The following DOCK9 variants were observed in gnomAD, a reference collection of about 807,000 sequenced individuals.
DOCK9 encodes the protein dedicator of cytokinesis protein 9.
DOCK9 carries 89 observed loss-of-function variants against 263.3 expected under a neutral mutation model. The observed-to-expected ratio is 0.34, with a 90% CI of 0.28 to 0.40. The LOEUF is 0.40. DOCK9 is among the 10% of genes least tolerant of loss of function. The pLI is 1.00. For missense variants in DOCK9, 2,140 were observed against 2,603.4 expected (o/e 0.82, Z 3.87); for synonymous variants, 976 against 973.1 (o/e 1.00, Z -0.06).
At chr13:98,851,422 G>T (rs2141536153) in intron 35 of DOCK9, among the ~76,000 whole-genome samples, 1 of 152,274 alleles carries the variant, frequency 6.6e-6, no homozygotes, top group Non-Finnish European at 1.5e-5. Flanking sequence ...AGCCCCCGGG[G>T]AGCTCAGTGC....
intron 47 of DOCK9, among the ~76,000 whole-genome samples, chr13:98,808,453 C>T (rs960922947): frequency 6.6e-6 from 1 of 152,176 alleles, no homozygotes; most frequent in African/African-American, 2.4e-5. Context: ...AAAAGTCCAA[C>T]TGGGGTTAAT....
At chr13:99,074,770 C>T (rs1049496413) in intron 1 of DOCK9, among the ~76,000 whole-genome samples, 1 of 152,168 alleles carries the variant, frequency 6.6e-6, no homozygotes, top group African/African-American at 2.4e-5. Flanking sequence ...CAATTTGAAC[C>T]TTTGCTCCTG....
intron 1 of DOCK9, among the ~76,000 whole-genome samples, chr13:99,022,048 T>G (rs1886181059): frequency 1.3e-5 from 2 of 152,202 alleles, no homozygotes; most frequent in South Asian, 4.1e-4. Flanking sequence ...AAGTGTGAAC[T>G]CTTACCATGG....
At position 98,868,291 on chromosome 13, in the gene DOCK9, C is replaced by T. The variant is rs1471748525; in HGVS notation, c.3030G>A (p.Lys1010=). The change falls in exon 28 of 53, where the codon AAG becomes AAA. Residue 1010 remains lysine, a synonymous_variant. Coordinates refer to ENST00000682017, the MANE Select transcript of DOCK9 (RefSeq NM_001366683.2). ...VNMLMPHITQ[K]FRDNPEASKN... ...TAGATGCCTCTGGATTATCTCGAAA[C>T]TTCTGAGTGATGTGTGGCATCAGCA... 8 of 1,613,990 alleles carry T rather than the reference C, an allele frequency of 5.0e-6. No homozygotes were observed. The highest frequency in any genetic ancestry group is 2.2e-5 in the East Asian group (1 of 44,882).
intron 38 of DOCK9, 141 bp downstream of exon 38, chr13:98,845,783 G>A (rs2141348026): frequency 8.9e-7 from 1 of 1,123,664 alleles, no homozygotes; most frequent in Non-Finnish European, 1.3e-6. Flanking sequence ...GAAGGGAACT[G>A]TGCCATGAGC....
intron 39 of DOCK9, among the ~76,000 whole-genome samples, chr13:98,836,976 C>T (rs1322166473): frequency 6.6e-6 from 1 of 151,958 alleles, no homozygotes; most frequent in Non-Finnish European, 1.5e-5. Context: ...TCCATCTCCA[C>T]CTACTTGAAT....
intron 47 of DOCK9, chr13:98,808,998 A>AT: frequency 8.0e-7 from 1 of 1,255,326 alleles, no homozygotes; most frequent in African/African-American, 1.5e-5. Flanking sequence ...ATGGAATAAA[A>AT]TGTTAATTTT....
At chr13:98,876,391 T>G (rs561850106) in intron 27 of DOCK9, among the ~76,000 whole-genome samples, 1 of 152,254 alleles carries the variant, frequency 6.6e-6, no homozygotes, top group East Asian at 1.9e-4. Flanking sequence ...CTTGGGAGGC[T>G]AAAGCAGGAG....
chr13:98,856,249 C>A (rs2093703867), intron 33 of DOCK9: 1 of 441,744 alleles, frequency 2.3e-6, no homozygotes, highest in Non-Finnish European at 4.0e-6. Context: ...AACATCAATT[C>A]ACTTGTTAGA....
chr13:98,970,795 A>C (rs2059659288), intron 1 of DOCK9, among the ~76,000 whole-genome samples: 1 of 152,216 alleles, frequency 6.6e-6, no homozygotes, highest in African/African-American at 2.4e-5. Flanking sequence ...TGGTTCTAAA[A>C]GTATCCTCAC....
chr13:98,860,660 C>A, intron 32 of DOCK9, 138 bp from the exon 33 acceptor site: 1 of 487,632 alleles, frequency 2.1e-6, no homozygotes, highest in Non-Finnish European at 3.2e-6. Flanking sequence ...GAGGAGTAGC[C>A]TTGAGGCGTG....
rs71114578 is a variant in DOCK9 at position 99,071,306 on chromosome 13, C to CTTTTTT, written c.129+14911_129+14916dup. 8.1e-5 allele frequency among the ~76,000 whole-genome samples: 4 copies of CTTTTTT among 49,320 alleles called. 1 individual carries two copies. Among genetic ancestry groups the CTTTTTT allele is most frequent in the African/African-American group, 1.1e-4 (1 of 9,160 alleles). 32.4% of individuals were successfully genotyped at this position (49,320 alleles called of 152,430 possible). A position where few individuals can be genotyped will look rare whatever the true frequency, so the allele number is the denominator to read the frequency against. Reference sequence around the variant, plus strand: ...TACAGGTGCTTGCCACCATGCCTGGCTTTTTTTTTTTTTTTTTTTTTTTTT... The same window carrying CTTTTTT: ...TACAGGTGCTTGCCACCATGCCTGGCTTTTTTTTTTTTTTTTTTTTTTTTTTTTTTT... On this transcript the variant is annotated intron_variant, in intron 1 of 32. Transcript: ENST00000427887.
chr13:98,867,842 C>CT, intron 29 of DOCK9, 86 bp downstream of exon 29: 1 of 1,267,644 alleles, frequency 7.9e-7, no homozygotes, highest in South Asian at 1.4e-5. Flanking sequence ...TAAGGCAGAG[C>CT]TTTAAAAAAA....
chr13:98,859,207 C>T (rs2093784934), intron 33 of DOCK9: 1 of 152,218 alleles, frequency 6.6e-6, no homozygotes, highest in Non-Finnish European at 1.5e-5. Context: ...CAAAGCAGGG[C>T]AGAGACAGAG....
chr13:98,796,500 T>A (rs1594070965), intron 52 of DOCK9, among the ~76,000 whole-genome samples: 1 of 152,136 alleles, frequency 6.6e-6, no homozygotes, highest in Admixed American at 6.5e-5. Flanking sequence ...ATTCCCTGGG[T>A]ATGGGACACT....
At chr13:98,987,294 T>G (rs1878698788) in intron 1 of DOCK9, among the ~76,000 whole-genome samples, 1 of 152,172 alleles carries the variant, frequency 6.6e-6, no homozygotes, top group South Asian at 2.1e-4. Context: ...AACATAAAAT[T>G]TTAAAAAGAA....
chr13:98,964,956 C>A (rs1405935386), intron 1 of DOCK9, among the ~76,000 whole-genome samples: 1 of 152,166 alleles, frequency 6.6e-6, no homozygotes, highest in Non-Finnish European at 1.5e-5. Flanking sequence ...CTCACAAGAG[C>A]CCCCTGCTCC....
intron 1 of DOCK9, among the ~76,000 whole-genome samples, chr13:98,968,293 C>T (rs180733549): frequency 6.6e-6 from 1 of 152,152 alleles, no homozygotes; most frequent in African/African-American, 2.4e-5. Flanking sequence ...ATTAGTTACA[C>T]CTTTTTCTTT....
At chr13:98,889,339 A>G (rs1055429123) in intron 15 of DOCK9, among the ~76,000 whole-genome samples, 8 of 152,216 alleles carry the variant, frequency 5.3e-5, no homozygotes, top group Non-Finnish European at 1.0e-4. Context: ...AATCACCACT[A>G]AAGAACTTAT....
Sources: allele counts gnomAD v4.1 joint callset (sites outside exome capture counted in the v4.1 genomes callset), GRCh38; gene constraint gnomAD v4.1.1; transcripts MANE v1.5; gene names NCBI Gene and HGNC (gene_info 2026-07-23, HGNC 2026-07-21).